OR51B5: variants seen among roughly 807,000 people sequenced by gnomAD.
OR51B5 encodes the protein olfactory receptor family 51 subfamily B member 5, also known as olfactory receptor 51B5.
For synonymous variants in OR51B5, 186 were observed against 144.8 expected (o/e 1.28, Z -2.04); for missense variants, 456 against 374.6 (o/e 1.22, Z -1.79).
At chr11:5,386,808 T>C (rs1047490297) in intron 1 of OR51B5, among the ~76,000 whole-genome samples, 4 of 150,306 alleles carry the variant, frequency 2.7e-5, no homozygotes, top group African/African-American at 9.8e-5. Context: ...AAAAATTAGA[T>C]ACAGAAAGAG....
intron 1 of OR51B5, chr11:5,422,156 TCTCC>T: frequency 1.5e-6 from 2 of 1,372,904 alleles, no homozygotes; most frequent in Non-Finnish European, 2.0e-6. Flanking sequence ...TGTTTCTTTT[TCTCC>T]CTGAGTGAAG....
intron 1 of OR51B5, among the ~76,000 whole-genome samples, chr11:5,476,695 T>C (rs1237731611): frequency 4.6e-5 from 7 of 152,242 alleles, no homozygotes; most frequent in Non-Finnish European, 8.8e-5. Flanking sequence ...GGATTCAGAC[T>C]ATGTGAGTTT....
At chr11:5,372,276 A>G (rs746890774) in intron 1 of OR51B5, among the ~76,000 whole-genome samples, 5 of 152,164 alleles carry the variant, frequency 3.3e-5, no homozygotes, top group Admixed American at 1.3e-4. Flanking sequence ...TTTATTTTGG[A>G]TACATATACA....
intron 1 of OR51B5, among the ~76,000 whole-genome samples, chr11:5,497,424 T>C (rs528634856): frequency 1.8e-4 from 28 of 152,132 alleles, no homozygotes; most frequent in African/African-American, 5.5e-4. Flanking sequence ...AATAAATAAA[T>C]TGTCAAACAA....
intron 1 of OR51B5, among the ~76,000 whole-genome samples, chr11:5,371,672 T>C (rs1849450353): frequency 6.6e-6 from 1 of 152,146 alleles, no homozygotes; most frequent in Non-Finnish European, 1.5e-5. Flanking sequence ...ATAGGATATA[T>C]GTGTACATAG....
chr11:5,487,650 C>A lies in OR51B5; in HGVS notation n.84+17919G>T, dbSNP rs117567014. Among the ~76,000 whole-genome samples, 895 of 152,296 alleles carry A rather than the reference C, an allele frequency of 5.9e-3. 6 individuals carry two copies. The highest frequency in any genetic ancestry group is 0.036 in the South Asian group (174 of 4,824). On this transcript the variant is annotated intron_variant and non_coding_transcript_variant, in intron 1 of 4. Transcript: ENST00000415970. The stretch of plus-strand genomic sequence containing the variant: ...ACAATGTGTATAATACTAGCTATCC[C>A]TCTACAGCAAGAACAGAATCCCCTT...
chr11:5,376,571 C>T (rs1484836303), intron 1 of OR51B5, among the ~76,000 whole-genome samples: 3 of 151,668 alleles, frequency 2.0e-5, no homozygotes, highest in Non-Finnish European at 4.4e-5. Context: ...GCTAGCAAGA[C>T]TAATAAGAAA....
chr11:5,372,441 T>G (rs1310164399), intron 1 of OR51B5, among the ~76,000 whole-genome samples: 2 of 152,148 alleles, frequency 1.3e-5, no homozygotes, highest in Non-Finnish European at 2.9e-5. Context: ...ATCTCTTGTC[T>G]TTTTTGATAA....
chr11:5,468,466 T>C, intron 1 of OR51B5: 3 of 341,450 alleles, frequency 8.8e-6, no homozygotes, highest in Middle Eastern at 4.4e-4. Flanking sequence ...TCTAAGCCTT[T>C]CCAGGACAGT....
intron 1 of OR51B5, among the ~76,000 whole-genome samples, chr11:5,384,190 T>C (rs1003989030): frequency 6.6e-6 from 1 of 152,208 alleles, no homozygotes; most frequent in Non-Finnish European, 1.5e-5. Flanking sequence ...TTTGTTGTTT[T>C]TAGAAATGAG....
chr11:5,376,225 C>T (rs919910293), intron 1 of OR51B5, among the ~76,000 whole-genome samples: 12 of 151,876 alleles, frequency 7.9e-5, no homozygotes, highest in African/African-American at 2.7e-4. Context: ...GGGTACATAA[C>T]GAAATGAAGG....
chr11:5,342,792 A>G, exon 1 of OR51B5: 6 of 1,613,808 alleles, frequency 3.7e-6, no homozygotes, highest in Non-Finnish European at 5.1e-6. Flanking sequence ...ACCAGGACAC[A>G]GCAGATATGG....
chr11:5,451,679 C>A (rs1850851508), intron 1 of OR51B5, among the ~76,000 whole-genome samples: 1 of 152,142 alleles, frequency 6.6e-6, no homozygotes, highest in Non-Finnish European at 1.5e-5. Context: ...TTTTAGATAC[C>A]TCATATGTTC....
At chr11:5,432,103 C>G (rs1168512251) in intron 1 of OR51B5, among the ~76,000 whole-genome samples, 1 of 152,206 alleles carries the variant, frequency 6.6e-6, no homozygotes, top group Non-Finnish European at 1.5e-5. Flanking sequence ...ACTCTGCTAT[C>G]AAACATTAGA....
chr11:5,344,412 C>CT (rs1434358411), upstream of OR51B5, among the ~76,000 whole-genome samples: 1 of 120,844 alleles, frequency 8.3e-6, no homozygotes, highest in Non-Finnish European at 2.0e-5. Context: ...TTCAAGTTCT[C>CT]CATTTATATT....
At chr11:5,350,481 A>G (rs1243741488) in intron 1 of OR51B5, among the ~76,000 whole-genome samples, 1 of 152,168 alleles carries the variant, frequency 6.6e-6, no homozygotes, top group Non-Finnish European at 1.5e-5. Flanking sequence ...ACCAACACAC[A>G]ATTTATGTAT....
chr11:5,348,086 CA>C (rs1564914350), upstream of OR51B5, among the ~76,000 whole-genome samples: 1 of 151,854 alleles, frequency 6.6e-6, no homozygotes, highest in Non-Finnish European at 1.5e-5. Context: ...GATTTCTTAG[CA>C]AGAGAAAAGT....
intron 1 of OR51B5, among the ~76,000 whole-genome samples, chr11:5,475,545 A>G (rs1348611047): frequency 6.6e-6 from 1 of 151,970 alleles, no homozygotes; most frequent in Non-Finnish European, 1.5e-5. Flanking sequence ...GATCCCCCTA[A>G]CCCCTTAGCC....
intron 1 of OR51B5, chr11:5,505,435 C>G (rs1286229630): frequency 1.8e-5 from 24 of 1,303,874 alleles, no homozygotes; most frequent in Non-Finnish European, 2.4e-5. Flanking sequence ...TTTCTTTAAT[C>G]TGGACAAAAA....
Sources: gnomAD v4.1 joint callset for allele counts (sites outside exome capture counted in the v4.1 genomes callset) on GRCh38, gnomAD v4.1.1 for gene constraint, MANE v1.5 for transcripts, NCBI Gene and HGNC (gene_info 2026-07-23, HGNC 2026-07-21) for gene names.